The following CNTNAP3B variants were observed in gnomAD, a reference collection of about 807,000 sequenced individuals.
CNTNAP3B encodes contactin associated protein family member 3B.
A neutral mutation model predicts 108.9 loss-of-function variants in CNTNAP3B; 25 were observed. The observed-to-expected ratio is 0.23, with a 90% confidence interval of 0.17 to 0.32. CNTNAP3B has a LOEUF of 0.32. CNTNAP3B is among the 10% of genes least tolerant of loss of function. The pLI is 1.00. For synonymous variants in CNTNAP3B, 103 were observed against 473.4 expected (o/e 0.22, Z 10.16); for missense variants, 252 against 1,210.4 (o/e 0.21, Z 11.75).
chr9:41,932,807 C>T (rs1311588278), intron 14 of CNTNAP3B, among the ~76,000 whole-genome samples: 7 of 152,286 alleles, frequency 4.6e-5, no homozygotes, highest in East Asian at 3.9e-4. Flanking sequence ...TGTGAGCCAC[C>T]GCGCCCAGCC....
In CNTNAP3B at chr9:42,110,710, A is replaced by AC. The variant is rs1239135010; in HGVS notation, c.86-5972dup. Among the ~76,000 whole-genome samples the AC allele has an allele frequency of 2.2e-5, 3 of 136,802 alleles. 1 individual carries two copies. The highest frequency in any genetic ancestry group is 4.7e-5 in the Non-Finnish European group (3 of 64,210). 89.7% of individuals were successfully genotyped at this position (136,802 alleles called of 152,430 possible). On this transcript the variant is annotated intron_variant, in intron 1 of 23. Transcript: ENST00000377561. ...GGGGTGCCCATACCTTCTTCAGGCC[A>AC]CGTCTGGATGTTCATCTGGATACGG...
chr9:41,954,939 G>C (rs1221078820), intron 12 of CNTNAP3B, among the ~76,000 whole-genome samples: 1 of 151,978 alleles, frequency 6.6e-6, no homozygotes, highest in Non-Finnish European at 1.5e-5. Context: ...ACCCGCCTTG[G>C]CCTCCCAAAG....
chr9:41,951,613 A>C (rs1824685471), intron 13 of CNTNAP3B, among the ~76,000 whole-genome samples: 1 of 152,404 alleles, frequency 6.6e-6, no homozygotes, highest in South Asian at 2.1e-4. Flanking sequence ...CTAAATTTCC[A>C]CAACTGCTAA....
At chr9:41,956,078 A>T (rs1431067827) in intron 12 of CNTNAP3B, among the ~76,000 whole-genome samples, 1 of 151,910 alleles carries the variant, frequency 6.6e-6, no homozygotes, top group Non-Finnish European at 1.5e-5. Context: ...TACTGAGAGT[A>T]AAAAAAAAAA....
chr9:41,965,856 A>G, intron 10 of CNTNAP3B, among the ~76,000 whole-genome samples: 1 of 151,428 alleles, frequency 6.6e-6, no homozygotes, highest in Non-Finnish European at 1.5e-5. Context: ...CTTTGAGGGG[A>G]ACCTGAGGGG....
chr9:41,961,688 C>T (rs1285233476), intron 11 of CNTNAP3B, among the ~76,000 whole-genome samples: 1 of 152,288 alleles, frequency 6.6e-6, no homozygotes, highest in African/African-American at 2.4e-5. Context: ...ATAATTAAAG[C>T]TGATTTAAAA....
intron 15 of CNTNAP3B, among the ~76,000 whole-genome samples, chr9:41,928,110 A>G (rs1307252952): frequency 1.3e-5 from 2 of 152,276 alleles, no homozygotes; most frequent in Non-Finnish European, 2.9e-5. Flanking sequence ...GAAGGATAAC[A>G]TATCTGTCAA....
intron 2 of CNTNAP3B, among the ~76,000 whole-genome samples, chr9:42,087,669 T>C (rs1186370225): frequency 7.2e-6 from 1 of 139,772 alleles, no homozygotes; most frequent in East Asian, 2.2e-4. Flanking sequence ...CTAGAGAACA[T>C]ATTATCTCTC....
chr9:41,966,834 G>C (rs1404279473), intron 10 of CNTNAP3B, among the ~76,000 whole-genome samples: 1 of 150,740 alleles, frequency 6.6e-6, no homozygotes, highest in Non-Finnish European at 1.5e-5. Flanking sequence ...AGGTGTGGTG[G>C]CGGGCGCCTG....
chr9:42,089,470 A>AC (rs1239742620), intron 2 of CNTNAP3B, among the ~76,000 whole-genome samples: 1 of 138,414 alleles, frequency 7.2e-6, no homozygotes. Flanking sequence ...ATAACAAACC[A>AC]TTTGTGGGTC....
intron 1 of CNTNAP3B, among the ~76,000 whole-genome samples, chr9:42,125,801 A>G (rs1373314015): frequency 7.6e-6 from 1 of 131,072 alleles, no homozygotes; most frequent in Non-Finnish European, 1.6e-5. Context: ...TATTTTTAGT[A>G]GAGGCAGGGT....
intron 3 of CNTNAP3B, among the ~76,000 whole-genome samples, chr9:42,048,011 CCAGCACTAAATTCGTCCT>C (rs1427149700): frequency 1.6e-5 from 2 of 128,268 alleles, no homozygotes; most frequent in Non-Finnish European, 3.3e-5. Context: ...TGCATTTTGC[CCAGCACTAAATTCGTCCT>C]CACTGATAAA....
chr9:42,112,183 T>C lies in CNTNAP3B; in HGVS notation c.86-7444A>G, dbSNP rs1179188712. ...CTCCTTGACCGCTCACCCGATGACA[T>C]TGCAGCCCCTGCTGTCTGCGAGTTC... is the stretch of plus-strand genomic sequence containing the variant. On this transcript the variant is annotated intron_variant, in intron 1 of 23. Coordinates refer to ENST00000377561, the MANE Select transcript of CNTNAP3B (RefSeq NM_001201380.3). Among the ~76,000 whole-genome samples, 8 of 140,096 alleles carry C rather than the reference T, an allele frequency of 5.7e-5. 1 individual carries two copies. Among genetic ancestry groups the C allele is most frequent in the Non-Finnish European group, 1.1e-4 (7 of 65,112 alleles). The allele number at this position is 140,096 out of a possible 152,430, so 91.9% of individuals were successfully genotyped here.
At position 42,066,423 on chromosome 9, in the gene CNTNAP3B, C is replaced by CTTT. The variant is rs1158361481; in HGVS notation, c.390+10443_390+10445dup. Reference sequence around the variant, plus strand: ...TATTAAAAAATGTGAGCTGTTGAATCTTTTTTTTTTTTTTTTTTTTGAGAC... The same window carrying CTTT: ...TATTAAAAAATGTGAGCTGTTGAATCTTTTTTTTTTTTTTTTTTTTTTTGAGAC... On this transcript the variant is annotated intron_variant, in intron 3 of 23. Transcript: ENST00000377561. Among the ~76,000 whole-genome samples the CTTT allele has an allele frequency of 1.2e-3, 65 of 53,142 alleles. 1 individual carries two copies. Among genetic ancestry groups the CTTT allele is most frequent in the African/African-American group, 2.5e-3 (39 of 15,338 alleles). The allele number at this position is 53,142 out of a possible 152,430, so 34.9% of individuals were successfully genotyped here.
intron 1 of CNTNAP3B, among the ~76,000 whole-genome samples, chr9:42,115,190 A>C (rs1828286647): frequency 7.2e-6 from 1 of 139,418 alleles, no homozygotes; most frequent in Admixed American, 7.1e-5. Context: ...TTGTATACTC[A>C]TAAGAAAAAA....
At chr9:42,110,255 C>G (rs1385426444) in intron 1 of CNTNAP3B, among the ~76,000 whole-genome samples, 3 of 135,406 alleles carry the variant, frequency 2.2e-5, no homozygotes, top group African/African-American at 8.9e-5. Flanking sequence ...ATACTCAATT[C>G]CTTCTGAGAA....
chr9:42,032,322 AGCCTACACTG>A, intron 3 of CNTNAP3B, among the ~76,000 whole-genome samples: 1 of 107,058 alleles, frequency 9.3e-6, no homozygotes, highest in African/African-American at 4.1e-5. Flanking sequence ...TGAAACCCAC[AGCCTACACTG>A]GCTCCTTCTA....
chr9:41,925,511 T>C (rs1431808146), intron 15 of CNTNAP3B, among the ~76,000 whole-genome samples: 1 of 152,272 alleles, frequency 6.6e-6, no homozygotes, highest in Non-Finnish European at 1.5e-5. Context: ...GAGAATGACG[T>C]GAACCCGGGA....
At chr9:41,932,463 T>C (rs1408651700) in intron 14 of CNTNAP3B, among the ~76,000 whole-genome samples, 3 of 151,730 alleles carry the variant, frequency 2.0e-5, no homozygotes, top group Non-Finnish European at 4.4e-5. Flanking sequence ...GTTTGGGAGG[T>C]TGCAAAGAAA....
Sources: allele counts gnomAD v4.1 joint callset (sites outside exome capture counted in the v4.1 genomes callset), GRCh38; gene constraint gnomAD v4.1.1; transcripts MANE v1.5; gene names NCBI Gene and HGNC (gene_info 2026-07-23, HGNC 2026-07-21).